Variants in HIBADH observed in about 807,000 individuals in gnomAD.
HIBADH encodes the protein 3-hydroxyisobutyrate dehydrogenase, also known as 3-hydroxyisobutyrate dehydrogenase, mitochondrial.
HIBADH carries 25 observed loss-of-function variants against 36.1 expected under a neutral mutation model. That is an observed-to-expected ratio of 0.69 (90% confidence interval 0.50 to 0.97). The LOEUF (loss-of-function observed/expected upper bound fraction) is 0.97. Among genes scored for constraint, HIBADH ranks in the 50% least tolerant of loss-of-function variants. The pLI is 0.00. For synonymous variants in HIBADH, 160 were observed against 149.5 expected (o/e 1.07, Z -0.51); for missense variants, 421 against 418.0 (o/e 1.01, Z -0.06).
intron 2 of HIBADH, among the ~76,000 whole-genome samples, chr7:27,634,098 A>C (rs1198227674): frequency 6.6e-6 from 1 of 152,226 alleles, no homozygotes; most frequent in African/African-American, 2.4e-5. Context: ...AACAAAAAGC[A>C]GTTTCATAAG....
intron 4 of HIBADH, among the ~76,000 whole-genome samples, chr7:27,553,258 A>G (rs570537229): frequency 6.6e-5 from 10 of 152,208 alleles, no homozygotes. Flanking sequence ...CACAATACAC[A>G]GCAGCAGAAA....
intron 4 of HIBADH, among the ~76,000 whole-genome samples, chr7:27,567,622 T>C (rs1383490285): frequency 2.6e-5 from 4 of 152,162 alleles, no homozygotes; most frequent in Non-Finnish European, 4.4e-5. Context: ...ATTTTATCTA[T>C]TGCATCTTTG....
intron 4 of HIBADH, among the ~76,000 whole-genome samples, chr7:27,610,854 T>C (rs1785309790): frequency 3.3e-5 from 5 of 152,166 alleles, no homozygotes; most frequent in Admixed American, 3.3e-4. Flanking sequence ...TTTGTGGTCC[T>C]TTTACCATAA....
chr7:27,580,401 T>C (rs1784770571), intron 4 of HIBADH, among the ~76,000 whole-genome samples: 1 of 152,064 alleles, frequency 6.6e-6, no homozygotes, highest in Non-Finnish European at 1.5e-5. Context: ...CAGTTCCCAA[T>C]AACAACAACA....
chr7:27,573,573 G>C (rs2128188371), intron 4 of HIBADH, among the ~76,000 whole-genome samples: 1 of 152,284 alleles, frequency 6.6e-6, no homozygotes, highest in South Asian at 2.1e-4. Flanking sequence ...AGGAAAAAAG[G>C]AACGAGAAAA....
chr7:27,540,733 G>C (rs1487925194), intron 5 of HIBADH, among the ~76,000 whole-genome samples: 1 of 152,118 alleles, frequency 6.6e-6, no homozygotes, highest in East Asian at 1.9e-4. Flanking sequence ...GCTGAATTAG[G>C]GGCGTTATGT....
chr7:27,655,716 A>T (rs1164591240), intron 1 of HIBADH, among the ~76,000 whole-genome samples: 2 of 149,418 alleles, frequency 1.3e-5, no homozygotes, highest in Admixed American at 1.3e-4. Context: ...AGTAGGCAAA[A>T]ATCACAAAAT....
intron 4 of HIBADH, among the ~76,000 whole-genome samples, chr7:27,611,455 T>C (rs542650261): frequency 1.1e-3 from 162 of 152,220 alleles, no homozygotes; most frequent in African/African-American, 3.7e-3. Context: ...GCTGATCAAG[T>C]TGGAACCAAC....
At chr7:27,643,259 C>T (rs1433134646) in intron 2 of HIBADH, among the ~76,000 whole-genome samples, 1 of 152,080 alleles carries the variant, frequency 6.6e-6, no homozygotes. Flanking sequence ...AGCCTTAACC[C>T]ATAGTGATTA....
chr7:27,645,300 C>T (rs1246038364), intron 2 of HIBADH, among the ~76,000 whole-genome samples: 1 of 150,124 alleles, frequency 6.7e-6, no homozygotes, highest in Non-Finnish European at 1.5e-5. Flanking sequence ...AACTTTTCTA[C>T]AACCTCACAA....
chr7:27,582,749 G>A (rs1007457441), intron 4 of HIBADH, among the ~76,000 whole-genome samples: 4 of 152,070 alleles, frequency 2.6e-5, no homozygotes, highest in Non-Finnish European at 5.9e-5. Context: ...CTTTGTGTCC[G>A]TATGGTGGTT....
rs1277412782 is a variant in HIBADH, at chr7:27,548,148, C to T, written c.485-5048G>A. Among the ~76,000 whole-genome samples the T allele has an allele frequency of 2.7e-5, 4 of 149,514 alleles. No homozygotes were observed. The South Asian group carries it at 6.3e-4, about 24-fold the overall frequency. On this transcript the variant is annotated intron_variant, in intron 4 of 7. Coordinates refer to ENST00000265395, the MANE Select transcript of HIBADH (RefSeq NM_152740.4). ...TTTAATAAGCCTTATAGTGGAGAAGCACTTTTAAATCTAAGCACAAATCCT... is the reference window on the plus strand; with the variant it reads ...TTTAATAAGCCTTATAGTGGAGAAGTACTTTTAAATCTAAGCACAAATCCT...
At chr7:27,662,315 G>A (rs981742259) in intron 1 of HIBADH, among the ~76,000 whole-genome samples, 1 of 152,076 alleles carries the variant, frequency 6.6e-6, no homozygotes, top group Non-Finnish European at 1.5e-5. Flanking sequence ...GAAAGACCAG[G>A]GGTCGCTGGG....
In HIBADH at chr7:27,632,550, C is replaced by T. The variant is rs1270918399; in HGVS notation, c.253-105G>A. On this transcript the variant is annotated intron_variant, in intron 2 of 7. Coordinates refer to ENST00000265395, the MANE Select transcript of HIBADH (RefSeq NM_152740.4). ...ATGCATGCCTATAACAGTGACAGTG[C>T]ATAAAGACTAATCCTTGTTTGCAAA... is the stretch of plus-strand genomic sequence containing the variant. 6.3e-5 allele frequency: 20 copies of T among 315,898 alleles called. No individual in the cohort carries two copies. In the East Asian group the frequency reaches 8.9e-4, roughly 14 times the overall value. The allele number at this position is 315,898 out of a possible 1,614,324, so 19.6% of individuals were successfully genotyped here.
chr7:27,592,099 T>G (rs1784948668), intron 4 of HIBADH, among the ~76,000 whole-genome samples: 1 of 152,210 alleles, frequency 6.6e-6, no homozygotes, highest in Admixed American at 6.5e-5. Context: ...CCTTCCTCAC[T>G]TGGAAAATCT....
chr7:27,553,576 C>T (rs922887511), intron 4 of HIBADH, among the ~76,000 whole-genome samples: 4 of 152,234 alleles, frequency 2.6e-5, no homozygotes, highest in South Asian at 4.1e-4. Context: ...GTACAGAAGC[C>T]GTAAGACAGA....
chr7:27,590,146 C>G (rs1210753016), intron 4 of HIBADH, among the ~76,000 whole-genome samples: 2 of 152,154 alleles, frequency 1.3e-5, no homozygotes, highest in African/African-American at 2.4e-5. Flanking sequence ...AATATGCCCA[C>G]TCCAAGAGAT....
chr7:27,629,240 G>T, intron 4 of HIBADH, 131 bp downstream of exon 4: 1 of 822,808 alleles, frequency 1.2e-6, no homozygotes, highest in Non-Finnish European at 1.8e-6. Flanking sequence ...TATCAGTTTG[G>T]CTTTATTTTT....
intron 4 of HIBADH, among the ~76,000 whole-genome samples, chr7:27,591,862 A>G (rs1242979873): frequency 6.6e-6 from 1 of 152,158 alleles, no homozygotes; most frequent in East Asian, 1.9e-4. Flanking sequence ...TATATCCCCC[A>G]ATCAATGTAA....
Sources: allele counts gnomAD v4.1 joint callset (sites outside exome capture counted in the v4.1 genomes callset), GRCh38; gene constraint gnomAD v4.1.1; transcripts MANE v1.5; gene names NCBI Gene and HGNC (gene_info 2026-07-23, HGNC 2026-07-21).